Variants in AGBL4 observed in about 807,000 individuals in gnomAD.
The protein encoded by AGBL4 is AGBL carboxypeptidase 4.
In AGBL4, 58 loss-of-function variants were observed where a neutral mutation model predicts 66.4. That is an observed-to-expected ratio of 0.87 (90% CI 0.71 to 1.09). The LOEUF (loss-of-function observed/expected upper bound fraction) is 1.09, where lower values mean the gene tolerates loss of function less well. Among genes scored for constraint, AGBL4 ranks in the 50% least tolerant of loss-of-function variants. The probability of loss-of-function intolerance (pLI) is 0.00; values close to 1 mark genes in which losing one functional copy is unlikely to be tolerated. For missense variants in AGBL4, 579 were observed against 631.0 expected (o/e 0.92, Z 0.88); for synonymous variants, 234 against 222.9 (o/e 1.05, Z -0.44).
At chr1:48,571,287 C>T (rs1311757455) in intron 11 of AGBL4, among the ~76,000 whole-genome samples, 1 of 152,236 alleles carries the variant, frequency 6.6e-6, no homozygotes, top group Admixed American at 6.5e-5. Flanking sequence ...ACCACTGAGC[C>T]ACATCAGCTC....
intron 6 of AGBL4, among the ~76,000 whole-genome samples, chr1:48,850,232 G>A (rs536851370): frequency 8.5e-5 from 13 of 152,252 alleles, no homozygotes; most frequent in Middle Eastern, 3.4e-3. Context: ...GATCTGCTTG[G>A]CTCTAGGCCC....
At chr1:49,258,529 T>C (rs1461321960) in intron 3 of AGBL4, among the ~76,000 whole-genome samples, 3 of 152,094 alleles carry the variant, frequency 2.0e-5, no homozygotes, top group African/African-American at 7.2e-5. Flanking sequence ...CAGGAGCCGA[T>C]GCGATCAACT....
At chr1:49,857,695 C>A (rs554418879) in intron 1 of AGBL4, among the ~76,000 whole-genome samples, 240 of 152,086 alleles carry the variant, frequency 1.6e-3, no homozygotes, top group Non-Finnish European at 1.9e-3. Flanking sequence ...TGAAACTAGA[C>A]CCCATCTCTC....
chr1:49,587,689 C>T (rs951588999), intron 3 of AGBL4, among the ~76,000 whole-genome samples: 1 of 152,028 alleles, frequency 6.6e-6, no homozygotes, highest in African/African-American at 2.4e-5. Flanking sequence ...GGCAACACAA[C>T]AGGTGTATAT....
intron 5 of AGBL4, among the ~76,000 whole-genome samples, chr1:49,012,539 C>G (rs1401369188): frequency 6.6e-6 from 1 of 152,136 alleles, no homozygotes; most frequent in African/African-American, 2.4e-5. Context: ...CAGCATAATC[C>G]AAACCCATAG....
intron 2 of AGBL4, among the ~76,000 whole-genome samples, chr1:49,739,423 G>A (rs1247945072): frequency 5.9e-5 from 9 of 152,262 alleles, no homozygotes; most frequent in Non-Finnish European, 7.4e-5. Context: ...CCAAATCTAC[G>A]TCTGATTGGT....
At chr1:48,817,047 C>T (rs569621292) in intron 6 of AGBL4, among the ~76,000 whole-genome samples, 1 of 152,190 alleles carries the variant, frequency 6.6e-6, no homozygotes, top group African/African-American at 2.4e-5. Context: ...GAAGTTAGTC[C>T]ATTCTAGGAA....
At chr1:49,603,084 T>C (rs912702036) in intron 3 of AGBL4, among the ~76,000 whole-genome samples, 6 of 152,072 alleles carry the variant, frequency 3.9e-5, no homozygotes, top group African/African-American at 9.7e-5. Flanking sequence ...GTCAGTGTCA[T>C]AGCCAATATT....
intron 4 of AGBL4, among the ~76,000 whole-genome samples, chr1:49,132,335 C>G (rs1459057810): frequency 6.6e-6 from 1 of 151,896 alleles, no homozygotes; most frequent in Non-Finnish European, 1.5e-5. Context: ...AGAAAAGGAG[C>G]ATGTAGAAAG....
intron 5 of AGBL4, among the ~76,000 whole-genome samples, chr1:48,972,285 C>T (rs191720010): frequency 4.1e-4 from 62 of 152,096 alleles, no homozygotes; most frequent in Non-Finnish European, 2.4e-4. Flanking sequence ...TTAGTCCATC[C>T]GTATCTTCTC....
At chr1:48,613,686 C>T (rs1645274992) in intron 9 of AGBL4, among the ~76,000 whole-genome samples, 1 of 152,198 alleles carries the variant, frequency 6.6e-6, no homozygotes, top group Admixed American at 6.5e-5. Context: ...ATAGGGGTGA[C>T]ACCTTTAGCC....
intron 1 of AGBL4, among the ~76,000 whole-genome samples, chr1:49,868,066 A>G (rs1359344842): frequency 6.6e-6 from 1 of 152,154 alleles, no homozygotes; most frequent in Non-Finnish European, 1.5e-5. Context: ...ACAACTTACA[A>G]GGGATGTGAA....
intron 3 of AGBL4, among the ~76,000 whole-genome samples, chr1:49,288,970 C>G (rs1306128349): frequency 2.0e-5 from 3 of 151,752 alleles, no homozygotes; most frequent in Admixed American, 6.6e-5. Flanking sequence ...ACTAAATTTA[C>G]AGACATGTCA....
intron 6 of AGBL4, among the ~76,000 whole-genome samples, chr1:48,691,157 C>CAAAA (rs35401645): frequency 1.2e-5 from 1 of 84,282 alleles, no homozygotes; most frequent in Admixed American, 1.3e-4. Flanking sequence ...GACTCCCTCT[C>CAAAA]AAAAAAAAAA....
chr1:48,631,045 C>T (rs976021028), intron 9 of AGBL4, among the ~76,000 whole-genome samples: 1 of 152,148 alleles, frequency 6.6e-6, no homozygotes, highest in African/African-American at 2.4e-5. Context: ...CAGCACAGGG[C>T]CTGAAGGAAT....
chr1:49,854,348 G>C (rs1229194240), intron 1 of AGBL4, among the ~76,000 whole-genome samples: 1 of 152,028 alleles, frequency 6.6e-6, no homozygotes, highest in Non-Finnish European at 1.5e-5. Context: ...GCCCATCCAT[G>C]ATTGTCTCAG....
chr1:48,539,547 G>A (rs946612785), intron 12 of AGBL4, 95 bp downstream of exon 12: 3 of 938,518 alleles, frequency 3.2e-6, no homozygotes, highest in East Asian at 3.0e-5. Flanking sequence ...GCACAGATGG[G>A]ATGCTGAGTG....
intron 3 of AGBL4, among the ~76,000 whole-genome samples, chr1:49,286,962 A>G (rs1169483974): frequency 6.6e-6 from 1 of 152,144 alleles, no homozygotes; most frequent in Non-Finnish European, 1.5e-5. Flanking sequence ...ACTTCAAACT[A>G]TACTACAAGG....
At chr1:49,255,100 C>T (rs1159525735) in intron 3 of AGBL4, among the ~76,000 whole-genome samples, 1 of 152,080 alleles carries the variant, frequency 6.6e-6, no homozygotes, top group South Asian at 2.1e-4. Context: ...GACATAGTCA[C>T]AGTCAAAGAT....
Sources: allele counts gnomAD v4.1 joint callset (sites outside exome capture counted in the v4.1 genomes callset), GRCh38; gene constraint gnomAD v4.1.1; transcripts MANE v1.5; gene names NCBI Gene and HGNC (gene_info 2026-07-23, HGNC 2026-07-21).